CHAF1B: variants seen among roughly 807,000 people sequenced by gnomAD.
The protein encoded by CHAF1B is chromatin assembly factor 1 subunit B, also known as CAF-1 subunit B.
A neutral mutation model predicts 60.7 loss-of-function variants in CHAF1B; 10 were observed. That is an observed-to-expected ratio of 0.16 (90% CI 0.10 to 0.28). The LOEUF is 0.28. Among genes scored for constraint, CHAF1B ranks in the 10% least tolerant of loss-of-function variants. The pLI is 1.00. For missense variants in CHAF1B, 558 were observed against 708.4 expected (o/e 0.79, Z 2.41); for synonymous variants, 261 against 266.1 (o/e 0.98, Z 0.19).
chr21:36,389,782 T>TGC (rs2086069159), intron 3 of CHAF1B, among the ~76,000 whole-genome samples: 1 of 128,770 alleles, frequency 7.8e-6, no homozygotes, highest in African/African-American at 3.6e-5. Context: ...TGTGTGTGTG[T>TGC]GTGTGTGTGT....
rs1300600176 is a variant in CHAF1B, at chr21:36,399,342, A to G, written c.579-179A>G. Among the ~76,000 whole-genome samples, 6 of 152,004 alleles carry G rather than the reference A, an allele frequency of 3.9e-5. No homozygotes were observed. The Middle Eastern group carries it at 0.014, about 345-fold the overall frequency. On this transcript the variant is annotated intron_variant, in intron 6 of 13. Transcript: ENST00000314103. ...TGAGCTACCGCGCCCGGCCTGTAATATCCTTTAGGTTGTTAATACTTGCTT... is the reference window on the plus strand; with the variant it reads ...TGAGCTACCGCGCCCGGCCTGTAATGTCCTTTAGGTTGTTAATACTTGCTT...
At chr21:36,389,759 A>ATATGTGTGTGTGTGTG (rs1491586590) in intron 3 of CHAF1B, among the ~76,000 whole-genome samples, 13 of 125,894 alleles carry the variant, frequency 1.0e-4, no homozygotes, top group Admixed American at 3.1e-4. Flanking sequence ...GCATGAAGGG[A>ATATGTGTGTGTGTGTG]TGTGTGTGTG....
At chr21:36,390,862 C>T (rs371344378) in intron 3 of CHAF1B, among the ~76,000 whole-genome samples, 11 of 152,228 alleles carry the variant, frequency 7.2e-5, no homozygotes, top group African/African-American at 2.6e-4. Flanking sequence ...TGCTCTCTTG[C>T]CCAGGCTGGT....
chr21:36,390,784 T>C (rs2086080667), intron 3 of CHAF1B, among the ~76,000 whole-genome samples: 1 of 152,080 alleles, frequency 6.6e-6, no homozygotes, highest in South Asian at 2.1e-4. Flanking sequence ...GCCTCCTGCG[T>C]AGTGGGACCA....
At chr21:36,392,457 T>C (rs538525084) in intron 4 of CHAF1B, among the ~76,000 whole-genome samples, 1 of 151,918 alleles carries the variant, frequency 6.6e-6, no homozygotes, top group Non-Finnish European at 1.5e-5. Flanking sequence ...CCAGACGGGG[T>C]GGCGGCCGGG....
At position 36,386,069 on chromosome 21, in the gene CHAF1B, G is replaced by T. The variant is rs895775168; in HGVS notation, c.-68G>T. On this transcript the variant is annotated 5_prime_UTR_variant, in exon 2 of 14. Coordinates refer to ENST00000314103, the MANE Select transcript of CHAF1B (RefSeq NM_005441.3). The stretch of plus-strand genomic sequence containing the variant: ...TTTAATCCATCACCAGCATTTTGCA[G>T]CTTTCTCCTGTCTTGAAGAAGTAGA... 1 of 1,593,786 alleles carries T rather than the reference G, an allele frequency of 6.3e-7. No individual in the cohort carries two copies. The highest frequency in any genetic ancestry group is 1.7e-5 in the Admixed American group (1 of 58,392).
At chr21:36,395,731 T>C (rs1330362939) in intron 5 of CHAF1B, among the ~76,000 whole-genome samples, 1 of 152,160 alleles carries the variant, frequency 6.6e-6, no homozygotes, top group Non-Finnish European at 1.5e-5. Flanking sequence ...GTTATAGTGG[T>C]GTGAAAATAG....
intron 8 of CHAF1B, among the ~76,000 whole-genome samples, chr21:36,405,006 A>G (rs1171538180): frequency 6.6e-6 from 1 of 151,266 alleles, no homozygotes; most frequent in Non-Finnish European, 1.5e-5. Flanking sequence ...GGCCTCCCAA[A>G]GTGTTGGGAT....
chr21:36,396,618 C>T (rs1042621857), intron 5 of CHAF1B, among the ~76,000 whole-genome samples: 3 of 150,372 alleles, frequency 2.0e-5, no homozygotes, highest in Non-Finnish European at 2.9e-5. Flanking sequence ...GGCGCCACTG[C>T]ACTCCAGCCT....
At chr21:36,414,259 G>C (rs2086300787) in intron 12 of CHAF1B, among the ~76,000 whole-genome samples, 1 of 152,202 alleles carries the variant, frequency 6.6e-6, no homozygotes. Flanking sequence ...CACGAGGAGA[G>C]CTGGGAAGGG....
At chr21:36,411,827 C>T (rs1287082778) in intron 11 of CHAF1B, among the ~76,000 whole-genome samples, 1 of 152,090 alleles carries the variant, frequency 6.6e-6, no homozygotes, top group African/African-American at 2.4e-5. Flanking sequence ...CTCCCAGGTT[C>T]AAGTGATTTT....
intron 6 of CHAF1B, 106 bp downstream of exon 6, chr21:36,397,617 T>G (rs937456475): frequency 3.2e-5 from 16 of 506,866 alleles, no homozygotes; most frequent in Non-Finnish European, 5.1e-5. Flanking sequence ...TAGTCTAACT[T>G]TGATTCTTTT....
rs111786621 is a variant in CHAF1B, at chr21:36,402,686, G to A, written c.664-72G>A. On this transcript the variant is annotated intron_variant, in intron 7 of 13. Coordinates refer to ENST00000314103, the MANE Select transcript of CHAF1B (RefSeq NM_005441.3). ...CGTTTATTTGTGAGTGTAAAGATTT[G>A]GAAAAATGTTTAAGCTTTGTGTGTA... The A allele has an allele frequency of 4.2e-4, 543 of 1,282,368 alleles. 3 individuals carry two copies. In the African/African-American group the frequency reaches 6.0e-3, roughly 14 times the overall value. The allele number at this position is 1,282,368 out of a possible 1,614,324, so 79.4% of individuals were successfully genotyped here. A position where few individuals can be genotyped will look rare whatever the true frequency, so the allele number is the denominator to read the frequency against.
In CHAF1B at chr21:36,409,342, G is replaced by A. The variant is rs199830097; in HGVS notation, c.828-32G>A. The A allele has an allele frequency of 9.1e-5, 142 of 1,560,732 alleles. No homozygotes were observed. In the Admixed American group the frequency reaches 2.3e-3, roughly 25 times the overall value. ...ATTTTTGCTTTTGCTTAGTCACAGT[G>A]CCTTTTCCTAACACTGCAATTAATC... On this transcript the variant is annotated intron_variant, in intron 9 of 13. Coordinates refer to ENST00000314103, the MANE Select transcript of CHAF1B (RefSeq NM_005441.3).
intron 3 of CHAF1B, 55 bp from the exon 4 acceptor site, chr21:36,391,496 T>G: frequency 2.0e-6 from 2 of 990,186 alleles, no homozygotes; most frequent in Non-Finnish European, 3.1e-6. Flanking sequence ...ATAAAAATCC[T>G]AATATGAAGG....
chr21:36,399,623 A>G lies in CHAF1B; in HGVS notation c.663+18A>G. The G allele has an allele frequency of 6.2e-7, 1 of 1,605,888 alleles. No individual in the cohort carries two copies. Among genetic ancestry groups the G allele is most frequent in the Non-Finnish European group, 8.5e-7 (1 of 1,172,564 alleles). ...AAGGAGAGGTATAAAATATTTTGCCATTCTTTTTCAGCAGCGCTTTAACTG... is the reference window on the plus strand; with the variant it reads ...AAGGAGAGGTATAAAATATTTTGCCGTTCTTTTTCAGCAGCGCTTTAACTG... On this transcript the variant is annotated intron_variant, in intron 7 of 13. Transcript: ENST00000314103.
At chr21:36,387,484 C>A in intron 2 of CHAF1B, 114 bp from the exon 3 acceptor site, 1 of 1,359,906 alleles carries the variant, frequency 7.4e-7, no homozygotes, top group Non-Finnish European at 1.0e-6. Flanking sequence ...GCCTCCTAAA[C>A]TGCTGGGATT....
At chr21:36,388,303 G>A (rs1474245550) in intron 3 of CHAF1B, among the ~76,000 whole-genome samples, 1 of 152,066 alleles carries the variant, frequency 6.6e-6, no homozygotes, top group Non-Finnish European at 1.5e-5. Context: ...GTTCTAAGAC[G>A]AGATGGAAAG....
chr21:36,390,382 G>T (rs2086077319), intron 3 of CHAF1B, among the ~76,000 whole-genome samples: 1 of 151,082 alleles, frequency 6.6e-6, no homozygotes, highest in Non-Finnish European at 1.5e-5. Flanking sequence ...GAATGCGTAT[G>T]TCCTCACAAC....
Sources: gnomAD v4.1 joint callset for allele counts (sites outside exome capture counted in the v4.1 genomes callset) on GRCh38, gnomAD v4.1.1 for gene constraint, MANE v1.5 for transcripts, NCBI Gene and HGNC (gene_info 2026-07-23, HGNC 2026-07-21) for gene names.